The following KAZN variants were observed in gnomAD, a reference collection of about 807,000 sequenced individuals.
KAZN encodes the protein kazrin.
Under a neutral mutation model 87.4 loss-of-function variants are expected in KAZN, and 40 were observed. The observed-to-expected ratio is 0.46, with a 90% CI of 0.36 to 0.60. KAZN has a LOEUF of 0.60. Ranked by LOEUF, KAZN falls within the 20% of genes least tolerant of loss-of-function variation. The pLI is 0.00. For missense variants in KAZN, 898 were observed against 1,073.9 expected (o/e 0.84, Z 2.29); for synonymous variants, 466 against 458.3 (o/e 1.02, Z -0.22).
intron 1 of KAZN, among the ~76,000 whole-genome samples, chr1:13,950,898 T>C (rs1641320825): frequency 6.6e-6 from 1 of 152,098 alleles, no homozygotes; most frequent in Non-Finnish European, 1.5e-5. Flanking sequence ...TAAATAGGTA[T>C]ACAAAGGAAG....
At chr1:14,754,361 G>C (rs913147651) in intron 1 of KAZN, among the ~76,000 whole-genome samples, 3 of 152,204 alleles carry the variant, frequency 2.0e-5, no homozygotes, top group Non-Finnish European at 2.9e-5. Flanking sequence ...GGCCGGATGT[G>C]GTGGCTCACA....
intron 2 of KAZN, among the ~76,000 whole-genome samples, chr1:14,514,329 A>AAAAAATATATATATATAT (rs373748578): frequency 4.3e-5 from 1 of 23,494 alleles, no homozygotes; most frequent in African/African-American, 1.2e-4. Flanking sequence ...TGTCTCAAAA[A>AAAAAATATATATATATAT]ATTTATATAT....
At chr1:14,827,776 C>A (rs1023416043) in intron 1 of KAZN, among the ~76,000 whole-genome samples, 6 of 152,194 alleles carry the variant, frequency 3.9e-5, no homozygotes, top group African/African-American at 1.4e-4. Context: ...GTTTGGGAAC[C>A]AGTAATGAGT....
intron 2 of KAZN, among the ~76,000 whole-genome samples, chr1:14,980,662 T>C (rs935660149): frequency 6.6e-6 from 1 of 152,134 alleles, no homozygotes; most frequent in African/African-American, 2.4e-5. Context: ...ACAGGCCCCA[T>C]TCTGTTTTTT....
At chr1:14,503,258 C>T (rs868450047) in intron 2 of KAZN, among the ~76,000 whole-genome samples, 7 of 151,094 alleles carry the variant, frequency 4.6e-5, no homozygotes, top group African/African-American at 7.3e-5. Flanking sequence ...CTAAGGCAGG[C>T]GGATCACAAG....
At chr1:13,963,202 G>A (rs1222787023) in intron 1 of KAZN, among the ~76,000 whole-genome samples, 1 of 152,114 alleles carries the variant, frequency 6.6e-6, no homozygotes, top group Non-Finnish European at 1.5e-5. Flanking sequence ...GGGAGATTTT[G>A]TGGACCATCT....
At chr1:14,475,489 G>T (rs1471516598) in intron 2 of KAZN, among the ~76,000 whole-genome samples, 1 of 152,190 alleles carries the variant, frequency 6.6e-6, no homozygotes, top group Non-Finnish European at 1.5e-5. Context: ...CTTTCAAGTT[G>T]TCTTTTCGTC....
chr1:14,086,432 A>T (rs1643858917), intron 1 of KAZN, among the ~76,000 whole-genome samples: 1 of 152,086 alleles, frequency 6.6e-6, no homozygotes, highest in African/African-American at 2.4e-5. Flanking sequence ...GCTCCCACTT[A>T]TAAGTGAGAC....
At chr1:13,986,305 T>C (rs569352010) in intron 1 of KAZN, among the ~76,000 whole-genome samples, 3 of 152,310 alleles carry the variant, frequency 2.0e-5, no homozygotes. Context: ...ATTTAATATG[T>C]TGTTTATTTT....
At chr1:15,038,037 A>G (rs1672514364) in intron 3 of KAZN, among the ~76,000 whole-genome samples, 1 of 152,144 alleles carries the variant, frequency 6.6e-6, no homozygotes, top group African/African-American at 2.4e-5. Flanking sequence ...GGATCGCTTG[A>G]GCCCAGGAGT....
intron 1 of KAZN, among the ~76,000 whole-genome samples, chr1:14,840,731 C>T (rs769591058): frequency 2.6e-5 from 4 of 152,222 alleles, no homozygotes; most frequent in Non-Finnish European, 5.9e-5. Flanking sequence ...CCTCAATAGT[C>T]CTTGGTGGAG....
intron 2 of KAZN, among the ~76,000 whole-genome samples, chr1:14,445,086 C>T (rs1233202790): frequency 5.3e-5 from 8 of 151,050 alleles, no homozygotes; most frequent in African/African-American, 1.9e-4. Context: ...AGTGCAGTGG[C>T]GTGATTTTGG....
intron 1 of KAZN, among the ~76,000 whole-genome samples, chr1:14,633,677 T>G (rs10927473): frequency 0.36 from 54,305 of 151,998 alleles, 11,639 homozygotes; most frequent in African/African-American, 0.6. Flanking sequence ...TTCACTCTGC[T>G]GAGCATTAGA....
At chr1:14,966,746 A>G (rs1304933405) in intron 2 of KAZN, among the ~76,000 whole-genome samples, 1 of 151,912 alleles carries the variant, frequency 6.6e-6, no homozygotes, top group African/African-American at 2.4e-5. Context: ...ATCTCAGCTC[A>G]CTGCAACCTC....
intron 3 of KAZN, among the ~76,000 whole-genome samples, chr1:15,037,345 C>T (rs1210337460): frequency 6.6e-6 from 1 of 152,200 alleles, no homozygotes; most frequent in Non-Finnish European, 1.5e-5. Flanking sequence ...CCCTGAGCCA[C>T]CAGCTTCCTC....
chr1:14,256,016 T>A (rs1650483047), intron 2 of KAZN, among the ~76,000 whole-genome samples: 1 of 152,212 alleles, frequency 6.6e-6, no homozygotes, highest in African/African-American at 2.4e-5. Context: ...AGACTCTCTG[T>A]CGCAGCTTCT....
At chr1:14,362,056 G>T (rs372212994) in intron 2 of KAZN, among the ~76,000 whole-genome samples, 8 of 152,318 alleles carry the variant, frequency 5.3e-5, no homozygotes, top group African/African-American at 1.9e-4. Flanking sequence ...CAGTGTATTA[G>T]TTAGCTATTG....
intron 1 of KAZN, among the ~76,000 whole-genome samples, chr1:13,911,939 G>T (rs1323976578): frequency 6.6e-6 from 1 of 152,076 alleles, no homozygotes; most frequent in Non-Finnish European, 1.5e-5. Context: ...GGCTGTGCTT[G>T]GCTATTTATT....
intron 1 of KAZN, among the ~76,000 whole-genome samples, chr1:14,806,397 TTGGCAGACCAGCTTCC>T (rs1429272360): frequency 6.6e-6 from 1 of 152,212 alleles, no homozygotes; most frequent in East Asian, 1.9e-4. Flanking sequence ...ATTTTATCAT[TTGGCAGACCAGCTTCC>T]TGGCAAGATG....
Sources: allele counts gnomAD v4.1 joint callset (sites outside exome capture counted in the v4.1 genomes callset), GRCh38; gene constraint gnomAD v4.1.1; transcripts MANE v1.5; gene names NCBI Gene and HGNC (gene_info 2026-07-23, HGNC 2026-07-21).